PAK5: variants seen among roughly 807,000 people sequenced by gnomAD.
The protein encoded by PAK5 is p21 (RAC1) activated kinase 5.
In PAK5, 16 loss-of-function variants were observed where a neutral mutation model predicts 65.9. The ratio of observed to expected loss-of-function variants is 0.24; its 90% CI spans 0.16 to 0.37. The LOEUF is 0.37. Among genes scored for constraint, PAK5 ranks in the 10% least tolerant of loss-of-function variants. The probability of loss-of-function intolerance (pLI) is 1.00; values close to 1 mark genes in which losing one functional copy is unlikely to be tolerated. For synonymous variants in PAK5, 371 were observed against 354.9 expected, an observed-to-expected ratio of 1.05 and a Z score of -0.51; for missense variants, 785 against 903.9, an observed-to-expected ratio of 0.87 and a Z score of 1.69.
At chr20:9,785,770 T>C (rs1168947398) in intron 1 of PAK5, among the ~76,000 whole-genome samples, 1 of 152,204 alleles carries the variant, frequency 6.6e-6, no homozygotes, top group Admixed American at 6.6e-5. Context: ...TCATCATGTG[T>C]TGTCCCTTGC....
At chr20:9,570,333 T>C (rs1162621673) in intron 4 of PAK5, among the ~76,000 whole-genome samples, 1 of 152,212 alleles carries the variant, frequency 6.6e-6, no homozygotes, top group East Asian at 1.9e-4. Context: ...TATTCCTATA[T>C]ATTAATACTC....
intron 2 of PAK5, among the ~76,000 whole-genome samples, chr20:9,670,862 G>C (rs1720219482): frequency 1.3e-5 from 2 of 152,160 alleles, no homozygotes; most frequent in Non-Finnish European, 2.9e-5. Flanking sequence ...CCTATGTCCT[G>C]AATGGTATTG....
chr20:9,819,951 T>G (rs1423297777), intron 1 of PAK5, among the ~76,000 whole-genome samples: 1 of 152,106 alleles, frequency 6.6e-6, no homozygotes, highest in East Asian at 1.9e-4. Flanking sequence ...ATAAGATAGC[T>G]TGCCCAAGAA....
At chr20:9,562,849 A>G (rs1433722498) in intron 6 of PAK5, 42 bp downstream of exon 6, 20 of 1,586,064 alleles carry the variant, frequency 1.3e-5, no homozygotes, top group Admixed American at 1.8e-5. Context: ...CTGGAGAAGA[A>G]TAAGAAGCAC....
At chr20:9,776,394 C>T (rs2048887262) in intron 1 of PAK5, among the ~76,000 whole-genome samples, 1 of 152,170 alleles carries the variant, frequency 6.6e-6, no homozygotes, top group Non-Finnish European at 1.5e-5. Context: ...TAACCCATTC[C>T]TTGCACTGTG....
intron 1 of PAK5, among the ~76,000 whole-genome samples, chr20:9,813,063 A>G (rs2049316303): frequency 6.6e-6 from 1 of 152,192 alleles, no homozygotes; most frequent in South Asian, 2.1e-4. Context: ...GAAAAGAAAT[A>G]AACTATTGAT....
chr20:9,713,828 A>C (rs1199316007), intron 1 of PAK5, among the ~76,000 whole-genome samples: 1 of 152,106 alleles, frequency 6.6e-6, no homozygotes, highest in African/African-American at 2.4e-5. Flanking sequence ...TAGATGGTAG[A>C]ATAATGGTTT....
chr20:9,570,888 C>T (rs2045769437), intron 4 of PAK5, among the ~76,000 whole-genome samples: 1 of 152,208 alleles, frequency 6.6e-6, no homozygotes, highest in South Asian at 2.1e-4. Context: ...GCAGCATTAT[C>T]AGAATCCACC....
chr20:9,712,438 CT>C (rs2123490675), intron 1 of PAK5, among the ~76,000 whole-genome samples: 1 of 152,206 alleles, frequency 6.6e-6, no homozygotes, highest in East Asian at 1.9e-4. Context: ...CTTATATTCT[CT>C]GCTGTCCTAT....
chr20:9,621,176 G>A (rs1600155906), intron 3 of PAK5, among the ~76,000 whole-genome samples: 2 of 152,020 alleles, frequency 1.3e-5, no homozygotes, highest in East Asian at 3.9e-4. Flanking sequence ...TGAGACATGA[G>A]GTTTAGACTG....
intron 1 of PAK5, among the ~76,000 whole-genome samples, chr20:9,776,568 A>G (rs2048889187): frequency 6.6e-6 from 1 of 152,178 alleles, no homozygotes; most frequent in African/African-American, 2.4e-5. Flanking sequence ...GTGGTATATC[A>G]TTTCTAGGAA....
intron 1 of PAK5, among the ~76,000 whole-genome samples, chr20:9,764,253 T>C (rs2048731599): frequency 6.6e-6 from 1 of 152,182 alleles, no homozygotes; most frequent in Non-Finnish European, 1.5e-5. Flanking sequence ...AGCTCTAAAT[T>C]AGGATTTGCC....
At chr20:9,714,683 TG>T (rs1169854300) in intron 1 of PAK5, among the ~76,000 whole-genome samples, 1 of 152,206 alleles carries the variant, frequency 6.6e-6, no homozygotes, top group Non-Finnish European at 1.5e-5. Flanking sequence ...AGCATGGTAC[TG>T]GTACCAAAAC....
chr20:9,836,414 CAG>C (rs1859163396), intron 1 of PAK5, among the ~76,000 whole-genome samples: 1 of 152,170 alleles, frequency 6.6e-6, no homozygotes, highest in Non-Finnish European at 1.5e-5. Context: ...AATTTGGACA[CAG>C]GGACAGAGAC....
In PAK5 at chr20:9,838,865, A is replaced by C. The variant is rs1979370025; in HGVS notation, c.-265T>G. On this transcript the variant is annotated 5_prime_UTR_variant, in exon 1 of 10. Transcript: ENST00000353224. The surrounding 1 kb of genome is among the most constrained non-coding windows in gnomAD (Gnocchi z 4.5). ...GGTCTCCCCGGGCGCACGCTGGGGAACTACTACTGGCTGGGTAGGGGCAAG... is the reference window on the plus strand; with the variant it reads ...GGTCTCCCCGGGCGCACGCTGGGGACCTACTACTGGCTGGGTAGGGGCAAG... The C allele has an allele frequency of 1.3e-5, 2 of 151,300 alleles. No individual in the cohort carries two copies. Among genetic ancestry groups the C allele is most frequent in the Admixed American group, 6.6e-5 (1 of 15,224 alleles). The allele number at this position is 151,300 out of a possible 1,614,324, so 9.4% of individuals were successfully genotyped here. A position where few individuals can be genotyped will look rare whatever the true frequency, so the allele number is the denominator to read the frequency against.
chr20:9,807,693 G>A (rs2049249177), intron 1 of PAK5, among the ~76,000 whole-genome samples: 2 of 151,466 alleles, frequency 1.3e-5, no homozygotes, highest in Admixed American at 1.3e-4. Flanking sequence ...AGTTAATTTG[G>A]GGGCCTTGTG....
intron 1 of PAK5, among the ~76,000 whole-genome samples, chr20:9,717,856 G>A (rs2048167906): frequency 6.6e-6 from 1 of 152,178 alleles, no homozygotes; most frequent in Non-Finnish European, 1.5e-5. Flanking sequence ...CTGACCTCAG[G>A]TGATACACCC....
intron 1 of PAK5, among the ~76,000 whole-genome samples, chr20:9,735,617 T>C (rs1205502966): frequency 6.6e-6 from 1 of 151,970 alleles, no homozygotes; most frequent in African/African-American, 2.4e-5. Flanking sequence ...GAAGAAATCT[T>C]CAAGCAAGAC....
intron 1 of PAK5, among the ~76,000 whole-genome samples, chr20:9,759,790 G>A (rs747065315): frequency 6.6e-6 from 1 of 152,128 alleles, no homozygotes; most frequent in Non-Finnish European, 1.5e-5. Context: ...CTGGTCTCAG[G>A]AATGTTGGGT....
Sources: allele counts gnomAD v4.1 joint callset (sites outside exome capture counted in the v4.1 genomes callset), GRCh38; gene constraint gnomAD v4.1.1; non-coding constraint Gnocchi (gnomAD v3.1); transcripts MANE v1.5; gene names NCBI Gene and HGNC (gene_info 2026-07-23, HGNC 2026-07-21).